Variants in OPCML observed in about 807,000 individuals in gnomAD.
OPCML encodes opioid-binding protein/cell adhesion molecule.
Under a neutral mutation model 37.8 loss-of-function variants are expected in OPCML, and 13 were observed. The ratio of observed to expected loss-of-function variants is 0.34; its 90% confidence interval spans 0.22 to 0.55. OPCML has a LOEUF of 0.55. Among genes scored for constraint, OPCML ranks in the 20% least tolerant of loss-of-function variants. The probability of loss-of-function intolerance (pLI) is 0.91; values close to 1 mark genes in which losing one functional copy is unlikely to be tolerated. For missense variants in OPCML, 341 were observed against 435.6 expected (o/e 0.78, Z 1.93); for synonymous variants, 176 against 168.8 (o/e 1.04, Z -0.33).
intron 1 of OPCML, among the ~76,000 whole-genome samples, chr11:133,281,645 G>A (rs1408519711): frequency 6.6e-6 from 1 of 152,036 alleles, no homozygotes; most frequent in Non-Finnish European, 1.5e-5. Flanking sequence ...TTGGAACTGG[G>A]TAACAAGCAG....
At chr11:132,869,475 G>C (rs1270013588) in intron 2 of OPCML, among the ~76,000 whole-genome samples, 1 of 151,946 alleles carries the variant, frequency 6.6e-6, no homozygotes, top group African/African-American at 2.4e-5. Context: ...ACATGCATCT[G>C]AATAAAAATA....
In OPCML at chr11:132,885,094, A is replaced by G. The variant is rs78128556; in HGVS notation, c.146+57832T>C. Among the ~76,000 whole-genome samples, 16 of 152,290 alleles carry G rather than the reference A, an allele frequency of 1.1e-4. No individual in the cohort carries two copies. In the East Asian group the frequency reaches 2.9e-3, roughly 28 times the overall value. Reference sequence around the variant, plus strand: ...TTCCACCATAACAATTAACTTACCAATGAGCCACGAATGCACCCCACCACC... The same window carrying G: ...TTCCACCATAACAATTAACTTACCAGTGAGCCACGAATGCACCCCACCACC... On this transcript the variant is annotated intron_variant, in intron 2 of 7. Coordinates refer to ENST00000524381, the MANE Select transcript of OPCML (RefSeq NM_001012393.5).
intron 1 of OPCML, among the ~76,000 whole-genome samples, chr11:133,160,165 CA>C (rs1232316014): frequency 3.9e-5 from 6 of 152,196 alleles, no homozygotes; most frequent in African/African-American, 7.2e-5. Context: ...TGTGTAGACA[CA>C]AATAATATCT....
chr11:132,922,453 C>A (rs1013507759), intron 2 of OPCML, among the ~76,000 whole-genome samples: 1 of 152,100 alleles, frequency 6.6e-6, no homozygotes, highest in Non-Finnish European at 1.5e-5. Context: ...GAGAAAGCCA[C>A]AGGAGCAAAA....
chr11:133,266,578 A>G lies in OPCML; in HGVS notation c.61+265686T>C, dbSNP rs560198249. Among the ~76,000 whole-genome samples, 3 of 152,310 alleles carry G rather than the reference A, an allele frequency of 2.0e-5. No homozygotes were observed. In the South Asian group the frequency reaches 6.2e-4, roughly 32 times the overall value. ...GGAACTCATGTCTATCTTGCTCAGT[A>G]GTTACTCATCGGGACTTAGAACACT... On this transcript the variant is annotated intron_variant, in intron 1 of 7. Coordinates refer to ENST00000524381, the MANE Select transcript of OPCML (RefSeq NM_001012393.5).
chr11:132,900,061 T>C (rs1280965509), intron 2 of OPCML, among the ~76,000 whole-genome samples: 1 of 152,092 alleles, frequency 6.6e-6, no homozygotes, highest in Non-Finnish European at 1.5e-5. Context: ...TTAATAAATC[T>C]CCTCCCATTG....
chr11:132,638,434 C>T (rs921672644), intron 3 of OPCML, among the ~76,000 whole-genome samples: 7 of 151,964 alleles, frequency 4.6e-5, no homozygotes, highest in African/African-American at 1.7e-4. Context: ...ATGACAATAG[C>T]CTTTCCCAAA....
rs372500463 is a variant in OPCML at position 133,314,719 on chromosome 11, A to G, written c.61+217545T>C. 1.2e-4 allele frequency among the ~76,000 whole-genome samples: 19 copies of G among 152,154 alleles called. No individual in the cohort carries two copies. In the East Asian group the frequency reaches 1.5e-3, roughly 12 times the overall value. ...TCGACTCAATGGTCTCCCCCACAGA[A>G]CCATCAGGCACGCCTGGCCAGGACG... On this transcript the variant is annotated intron_variant, in intron 1 of 7. Transcript: ENST00000524381.
At position 133,140,880 on chromosome 11, in the gene OPCML, C is replaced by CGAA. The variant is rs1491265148; in HGVS notation, c.62-197871_62-197870insTTC. The stretch of plus-strand genomic sequence containing the variant: ...AAGAAGACGACGACGACGAAGAAGA[C>CGAA]GACGACGACGACGAAGACGACGACG... On this transcript the variant is annotated intron_variant, in intron 1 of 7. Transcript: ENST00000524381. 6.6e-4 allele frequency among the ~76,000 whole-genome samples: 4 copies of CGAA among 6,050 alleles called. 1 individual carries two copies. The highest frequency in any genetic ancestry group is 1.1e-3 in the African/African-American group (4 of 3,796). 4.0% of individuals were successfully genotyped at this position (6,050 alleles called of 152,430 possible).
intron 3 of OPCML, among the ~76,000 whole-genome samples, chr11:132,626,205 C>T (rs1441102811): frequency 6.6e-6 from 1 of 151,320 alleles, no homozygotes; most frequent in Non-Finnish European, 1.5e-5. Context: ...CCTTCTGGGG[C>T]ATGGCTGGAA....
At chr11:132,780,720 G>A (rs1268197654) in intron 2 of OPCML, among the ~76,000 whole-genome samples, 1 of 152,148 alleles carries the variant, frequency 6.6e-6, no homozygotes, top group Non-Finnish European at 1.5e-5. Flanking sequence ...CATGAATTTA[G>A]CTCATTTTGC....
intron 1 of OPCML, among the ~76,000 whole-genome samples, chr11:133,521,504 G>C (rs1294822649): frequency 1.3e-5 from 2 of 152,242 alleles, no homozygotes; most frequent in Non-Finnish European, 2.9e-5. Flanking sequence ...TTATAAGGTA[G>C]TATCCATTGA....
intron 1 of OPCML, among the ~76,000 whole-genome samples, chr11:133,171,402 A>G (rs1950286911): frequency 6.6e-6 from 1 of 152,200 alleles, no homozygotes; most frequent in Non-Finnish European, 1.5e-5. Context: ...TGACCCCTGA[A>G]GGGCAACCGT....
intron 2 of OPCML, among the ~76,000 whole-genome samples, chr11:132,753,683 T>C (rs1188305677): frequency 6.6e-6 from 1 of 152,162 alleles, no homozygotes; most frequent in Non-Finnish European, 1.5e-5. Flanking sequence ...TGGGTCTCAG[T>C]TGAGGAAGAG....
intron 1 of OPCML, among the ~76,000 whole-genome samples, chr11:133,139,560 G>C (rs1320559408): frequency 6.6e-6 from 1 of 152,156 alleles, no homozygotes; most frequent in East Asian, 1.9e-4. Context: ...TAAATAAATT[G>C]CTTTGTTTTT....
At chr11:132,478,983 A>G (rs1019443858) in intron 4 of OPCML, among the ~76,000 whole-genome samples, 11 of 152,300 alleles carry the variant, frequency 7.2e-5, no homozygotes, top group African/African-American at 2.6e-4. Context: ...AAGGAGATAG[A>G]GCACATCAAA....
At chr11:132,487,547 G>C (rs186955404) in intron 4 of OPCML, among the ~76,000 whole-genome samples, 2 of 152,138 alleles carry the variant, frequency 1.3e-5, no homozygotes, top group African/African-American at 4.8e-5. Flanking sequence ...TTTGCTGCAC[G>C]AACACCTCAT....
intron 1 of OPCML, among the ~76,000 whole-genome samples, chr11:133,402,260 C>T (rs898454457): frequency 6.7e-6 from 1 of 149,804 alleles, no homozygotes; most frequent in Non-Finnish European, 1.5e-5. Context: ...TAAAAAAAAA[C>T]CCTTCTGGCA....
intron 2 of OPCML, among the ~76,000 whole-genome samples, chr11:132,736,838 C>T (rs972550686): frequency 3.9e-5 from 6 of 152,082 alleles, no homozygotes; most frequent in Non-Finnish European, 7.4e-5. Flanking sequence ...TGGGACCACC[C>T]GGTGGAACCA....
Sources: gnomAD v4.1 joint callset for allele counts (sites outside exome capture counted in the v4.1 genomes callset) on GRCh38, gnomAD v4.1.1 for gene constraint, MANE v1.5 for transcripts, NCBI Gene and HGNC (gene_info 2026-07-23, HGNC 2026-07-21) for gene names.